GAS6: variants seen among roughly 807,000 people sequenced by gnomAD.
The protein encoded by GAS6 is growth arrest-specific protein 6.
GAS6 carries 41 observed loss-of-function variants against 75.8 expected under a neutral mutation model. The ratio of observed to expected loss-of-function variants is 0.54; its 90% CI spans 0.42 to 0.70. The LOEUF (loss-of-function observed/expected upper bound fraction) is 0.70. GAS6 is among the 30% of genes least tolerant of loss of function. GAS6 has a pLI of 0.00. For synonymous variants in GAS6, 432 were observed against 412.6 expected (o/e 1.05, Z -0.57); for missense variants, 854 against 940.2 (o/e 0.91, Z 1.20).
At chr13:113,852,979 C>A (rs892293857) in intron 2 of GAS6, among the ~76,000 whole-genome samples, 2 of 152,194 alleles carry the variant, frequency 1.3e-5, no homozygotes, top group African/African-American at 4.8e-5. Flanking sequence ...AGAGACCCTC[C>A]AAGGGGCCGG....
intron 2 of GAS6, among the ~76,000 whole-genome samples, chr13:113,860,974 G>A (rs1036055874): frequency 1.3e-5 from 2 of 152,084 alleles, no homozygotes; most frequent in Non-Finnish European, 2.9e-5. Flanking sequence ...AGGCAGGTGA[G>A]CAGGTGGCCA....
At chr13:113,832,930 G>C in intron 8 of GAS6, 178 bp from the exon 9 acceptor site, 1 of 1,490,438 alleles carries the variant, frequency 6.7e-7, no homozygotes, top group African/African-American at 1.4e-5. Context: ...GGACTCCCAG[G>C]TGAAGGGCGG....
At chr13:113,850,681 C>T (rs1024309726) in intron 2 of GAS6, among the ~76,000 whole-genome samples, 1 of 152,224 alleles carries the variant, frequency 6.6e-6, no homozygotes, top group African/African-American at 2.4e-5. Context: ...CGTCACCAAA[C>T]ACATGGATGG....
chr13:113,854,787 T>C (rs78825654), intron 2 of GAS6, among the ~76,000 whole-genome samples: 14,585 of 152,232 alleles, frequency 0.096, 930 homozygotes, highest in East Asian at 0.17. Context: ...ACACAGCTGT[T>C]GGATGGGAGG....
At chr13:113,839,944 T>A (rs2051758821) in intron 4 of GAS6, 94 bp from the exon 5 acceptor site, 2 of 1,589,192 alleles carry the variant, frequency 1.3e-6, no homozygotes, top group South Asian at 1.1e-5. Context: ...GGGTCTCGGG[T>A]CCAGCCCGGA....
At chr13:113,834,911 G>A in intron 7 of GAS6, 2 of 409,900 alleles carry the variant, frequency 4.9e-6, no homozygotes, top group Non-Finnish European at 8.5e-6. Flanking sequence ...GTCCCAGGAG[G>A]GTGCTCCCAA....
chr13:113,827,916 T>C (rs1004955209), intron 11 of GAS6, among the ~76,000 whole-genome samples: 3 of 152,128 alleles, frequency 2.0e-5, no homozygotes, highest in Admixed American at 2.0e-4. Context: ...CTTATGAGAC[T>C]CACGGCAGAG....
At chr13:113,846,838 G>A (rs960587409) in intron 3 of GAS6, 13 of 539,534 alleles carry the variant, frequency 2.4e-5, no homozygotes, top group African/African-American at 7.6e-5. Flanking sequence ...AGCACCGCCC[G>A]CCGTTTCGAG....
chr13:113,839,910 G>C, intron 4 of GAS6, 60 bp from the exon 5 acceptor site: 1 of 1,610,672 alleles, frequency 6.2e-7, no homozygotes, highest in African/African-American at 1.3e-5. Context: ...CGCGCCCAAC[G>C]CAGCTGAGAT....
rs536709109 is a variant in GAS6, at chr13:113,825,952, C to T, written c.1477+1044G>A. ...CAGCCCTGAGATCTGACGGAGGGGG[C>T]GCTGCCTGCCCTCTGTGCGTGTGGG... On this transcript the variant is annotated intron_variant, in intron 12 of 14. Transcript: ENST00000327773. Among the ~76,000 whole-genome samples the T allele has an allele frequency of 8.5e-5, 13 of 152,272 alleles. No homozygotes were observed. The South Asian group carries it at 1.2e-3, about 15-fold the overall frequency.
At position 113,863,876 on chromosome 13, in the gene GAS6, C is replaced by T. The variant is rs1263287516; in HGVS notation, c.45G>A (p.Ala15=). The change falls in exon 1 of 15, where the codon GCG becomes GCA. Residue 15 remains alanine, a synonymous_variant. Coordinates refer to ENST00000327773, the MANE Select transcript of GAS6 (RefSeq NM_000820.4). This position sits in a 1 kb window ranked among gnomAD's most constrained non-coding sequence, Gnocchi z 9.4. ...CCAGCAGCAGCAGCAGCAGCTGCGG[C>T]GCGCGGCGCAGGGCGGCGGGCCCGG... ...LSPGPAALRR[A]PQLLLLLLAA... 1.3e-5 allele frequency: 16 copies of T among 1,228,190 alleles called. No homozygotes were observed. The highest frequency in any genetic ancestry group is 1.3e-5 in the Non-Finnish European group (13 of 987,736). The allele number at this position is 1,228,190 out of a possible 1,614,324, so 76.1% of individuals were successfully genotyped here.
At chr13:113,826,319 C>T (rs191377851) in intron 12 of GAS6, among the ~76,000 whole-genome samples, 62 of 152,336 alleles carry the variant, frequency 4.1e-4, no homozygotes, top group African/African-American at 1.3e-3. Context: ...TGCCCCTGGA[C>T]GAGTCCTAAG....
At chr13:113,823,758 C>T (rs966065193) in intron 12 of GAS6, among the ~76,000 whole-genome samples, 5 of 152,208 alleles carry the variant, frequency 3.3e-5, no homozygotes, top group African/African-American at 1.2e-4. Flanking sequence ...GCTGTTTCTC[C>T]CTGGCCACAC....
At chr13:113,830,957 G>C (rs2051623252) in intron 10 of GAS6, among the ~76,000 whole-genome samples, 1 of 152,264 alleles carries the variant, frequency 6.6e-6, no homozygotes, top group Non-Finnish European at 1.5e-5. Flanking sequence ...TCCTTTAAGA[G>C]GTTGGGAAAA....
chr13:113,856,530 TAACAGACGAGCTGAGC>T (rs2051916163), intron 2 of GAS6, among the ~76,000 whole-genome samples: 2 of 152,118 alleles, frequency 1.3e-5, no homozygotes, highest in South Asian at 4.2e-4. Flanking sequence ...TCTTTCAGAC[TAACAGACGAGCTGAGC>T]GACGGACGAG....
At chr13:113,833,202 C>G (rs1352883526) in intron 8 of GAS6, 5 of 1,106,002 alleles carry the variant, frequency 4.5e-6, no homozygotes, top group Admixed American at 4.5e-5. Flanking sequence ...TGAGCTGACA[C>G]CCCTGGAAGA....
intron 2 of GAS6, among the ~76,000 whole-genome samples, chr13:113,851,809 GTTTCT>G (rs979654063): frequency 1.3e-5 from 2 of 152,226 alleles, no homozygotes; most frequent in African/African-American, 4.8e-5. Context: ...CTCCCAGTCT[GTTTCT>G]TTTAATAATA....
At chr13:113,828,470 G>A (rs2051582168) in intron 11 of GAS6, 77 bp downstream of exon 11, 5 of 1,472,162 alleles carry the variant, frequency 3.4e-6, no homozygotes, top group African/African-American at 1.4e-5. Flanking sequence ...AGGGCAGGGT[G>A]TGACTGAGGC....
At position 113,844,289 on chromosome 13, in the gene GAS6, G is replaced by C. The variant is rs1340139972; in HGVS notation, c.343+2238C>G. On this transcript the variant is annotated intron_variant, in intron 4 of 14. Transcript: ENST00000327773. The surrounding 1 kb of genome is among the most constrained non-coding windows in gnomAD (Gnocchi z 5.7). ...TCCCCAGCTGGCCGCACTTGGGGAC[G>C]CTGATGCCACAAAGGAAATAACCAA... 1 of 150,800 alleles carries C rather than the reference G, an allele frequency of 6.6e-6. No individual in the cohort carries two copies. The highest frequency in any genetic ancestry group is 1.5e-5 in the Non-Finnish European group (1 of 68,042). The allele number at this position is 150,800 out of a possible 1,614,324, so 9.3% of individuals were successfully genotyped here. A position where few individuals can be genotyped will look rare whatever the true frequency, so the allele number is the denominator to read the frequency against.
Sources: allele counts gnomAD v4.1 joint callset (sites outside exome capture counted in the v4.1 genomes callset), GRCh38; gene constraint gnomAD v4.1.1; non-coding constraint Gnocchi (gnomAD v3.1); transcripts MANE v1.5; gene names NCBI Gene and HGNC (gene_info 2026-07-23, HGNC 2026-07-21).